KDM3A: variants seen among roughly 807,000 people sequenced by gnomAD.
KDM3A encodes lysine-specific demethylase 3A.
In KDM3A, 60 loss-of-function variants were observed where a neutral mutation model predicts 158.0. The observed-to-expected ratio is 0.38, with a 90% CI of 0.31 to 0.47. The LOEUF is 0.47. Ranked by LOEUF, KDM3A falls within the 20% of genes least tolerant of loss-of-function variation. The probability of loss-of-function intolerance (pLI) is 0.99; values close to 1 mark genes in which losing one functional copy is unlikely to be tolerated. For missense variants in KDM3A, 1,319 were observed against 1,574.3 expected (o/e 0.84, Z 2.74); for synonymous variants, 608 against 549.3 (o/e 1.11, Z -1.49).
Position 86,480,430 on chromosome 2 carries a change from A to G in KDM3A, c.2512+68A>G, listed in dbSNP as rs1673866435. The G allele has an allele frequency of 3.7e-6, 5 of 1,367,306 alleles. No homozygotes were observed. The East Asian group carries it at 9.7e-5, about 26-fold the overall frequency. 84.7% of individuals were successfully genotyped at this position (1,367,306 alleles called of 1,614,324 possible). On this transcript the variant is annotated intron_variant, in intron 16 of 25. Transcript: ENST00000312912. ...TCCATTCGTGGAAGGACTTGAGAGA[A>G]CAGTGGTTAGAAGTCGTGTGGAATG...
chr2:86,444,558 C>T (rs1026332978), intron 2 of KDM3A, among the ~76,000 whole-genome samples: 1 of 148,534 alleles, frequency 6.7e-6, no homozygotes, highest in Admixed American at 6.9e-5. Context: ...GGGCTCAAAA[C>T]ACCAAAACCA....
At chr2:86,450,221 T>A (rs569701081) in intron 3 of KDM3A, among the ~76,000 whole-genome samples, 2 of 152,216 alleles carry the variant, frequency 1.3e-5, no homozygotes, top group African/African-American at 2.4e-5. Context: ...TGCAAACATA[T>A]AGATCTGTTT....
chr2:86,454,072 G>A (rs550150390), intron 4 of KDM3A, among the ~76,000 whole-genome samples: 2 of 152,314 alleles, frequency 1.3e-5, no homozygotes, highest in South Asian at 4.1e-4. Context: ...GAATGTTTCA[G>A]AACTGGCTTA....
chr2:86,478,613 T>G lies in KDM3A; in HGVS notation c.2194T>G (p.Tyr732Asp). 1 of 1,614,084 alleles carries G rather than the reference T, an allele frequency of 6.2e-7. No homozygotes were observed. Among genetic ancestry groups the G allele is most frequent in the Non-Finnish European group, 8.5e-7 (1 of 1,179,960 alleles). The change falls in exon 15 of 26, where the codon TAT (tyrosine) becomes GAT (aspartate). Residue 732 changes from tyrosine to aspartate, a missense_variant. By Grantham distance (160) the Tyr-to-Asp change is radical (BLOSUM62 -3). Around this residue, in one of 4 missense-constraint regions of KDM3A, gnomAD observed 368 missense variants for 415.8 expected, o/e 0.89. Coordinates refer to ENST00000312912, the MANE Select transcript of KDM3A (RefSeq NM_018433.6). Reference sequence around the variant, plus strand: ...TGCCTCTGCCCTTTCTTTAGCACTCTATGATGTTGGAGACATTGTTCATTC... The same window carrying G: ...TGCCTCTGCCCTTTCTTTAGCACTCGATGATGTTGGAGACATTGTTCATTC... ...PTQIIPGKAL[Y>D]DVGDIVHSVR...
At chr2:86,445,951 C>G (rs925391815) in intron 2 of KDM3A, among the ~76,000 whole-genome samples, 5 of 152,160 alleles carry the variant, frequency 3.3e-5, no homozygotes, top group Non-Finnish European at 7.4e-5. Context: ...TGTCTAAAAA[C>G]CATATCATTC....
chr2:86,459,364 G>A (rs1488657803), intron 8 of KDM3A, among the ~76,000 whole-genome samples: 1 of 152,122 alleles, frequency 6.6e-6, no homozygotes, highest in Non-Finnish European at 1.5e-5. Context: ...AGGTTTTAAC[G>A]TTAGAGAAAT....
chr2:86,439,537 A>T (rs1488197974), upstream of KDM3A, among the ~76,000 whole-genome samples: 1 of 152,098 alleles, frequency 6.6e-6, no homozygotes, highest in Non-Finnish European at 1.5e-5. Flanking sequence ...CATAGAAAGT[A>T]TATGTTCCTT....
chr2:86,443,758 A>G (rs1351259487), intron 2 of KDM3A, among the ~76,000 whole-genome samples: 1 of 152,162 alleles, frequency 6.6e-6, no homozygotes, highest in Non-Finnish European at 1.5e-5. Context: ...TTTTTCCTGC[A>G]TTCGGCTCAT....
At chr2:86,460,463 A>C (rs535972906) in intron 8 of KDM3A, among the ~76,000 whole-genome samples, 1 of 152,212 alleles carries the variant, frequency 6.6e-6, no homozygotes, top group East Asian at 1.9e-4. Flanking sequence ...ACAGTAATGC[A>C]CTCAGCACGA....
intron 11 of KDM3A, among the ~76,000 whole-genome samples, chr2:86,473,707 C>G (rs1340776183): frequency 1.3e-5 from 2 of 152,104 alleles, no homozygotes; most frequent in Non-Finnish European, 2.9e-5. Flanking sequence ...CGTAATCATA[C>G]CACTGTACTC....
intron 16 of KDM3A, among the ~76,000 whole-genome samples, chr2:86,481,335 C>T (rs937266520): frequency 1.3e-5 from 2 of 152,102 alleles, no homozygotes; most frequent in Non-Finnish European, 2.9e-5. Flanking sequence ...CAACACTGCA[C>T]TCTGCCTCCC....
chr2:86,480,580 C>A (rs1175209367), intron 16 of KDM3A, among the ~76,000 whole-genome samples: 1 of 152,156 alleles, frequency 6.6e-6, no homozygotes, highest in African/African-American at 2.4e-5. Context: ...GGCTGTGTTA[C>A]AGAAGAGAAG....
intron 15 of KDM3A, chr2:86,479,041 A>T (rs1673801308): frequency 5.3e-6 from 1 of 190,268 alleles, no homozygotes; most frequent in Non-Finnish European, 1.1e-5. Context: ...TAAAGGGTTT[A>T]AAAAAATTTT....
chr2:86,489,944 A>C, intron 23 of KDM3A: 1 of 290,938 alleles, frequency 3.4e-6, no homozygotes, highest in Non-Finnish European at 6.4e-6. Flanking sequence ...AAGTTAGTTC[A>C]TCTGATCATC....
At chr2:86,441,963 C>T in intron 1 of KDM3A, 55 bp from the exon 2 acceptor site, 3 of 1,471,024 alleles carry the variant, frequency 2.0e-6, no homozygotes, top group Admixed American at 1.7e-5. Flanking sequence ...GCTGTCTCCG[C>T]CCGGCCCCCT....
rs534026166 is a variant in KDM3A at position 86,489,442 on chromosome 2, G to C, written c.3433+5G>C. 6.2e-7 allele frequency: 1 copy of C among 1,613,532 alleles called. No individual in the cohort carries two copies. The highest frequency in any genetic ancestry group is 8.5e-7 in the Non-Finnish European group (1 of 1,179,798). On this transcript the variant is annotated splice_donor_5th_base_variant and intron_variant, in intron 22 of 25. Transcript: ENST00000312912. Reference sequence around the variant, plus strand: ...GACAGTGTGAGCAAGAAGAAGGTAGGGTGCTGAGCATAAAAGGAGGGCTTA... The same window carrying C: ...GACAGTGTGAGCAAGAAGAAGGTAGCGTGCTGAGCATAAAAGGAGGGCTTA...
intron 16 of KDM3A, 86 bp from the exon 17 acceptor site, chr2:86,481,844 T>A (rs890748701): frequency 1.9e-6 from 2 of 1,027,350 alleles, no homozygotes; most frequent in East Asian, 2.4e-5. Flanking sequence ...GAAAGCAAGT[T>A]CTAAAGTAAT....
chr2:86,464,211 T>G lies in KDM3A; in HGVS notation c.1002T>G (p.Pro334=). 2 of 1,598,972 alleles carry G rather than the reference T, an allele frequency of 1.3e-6. No homozygotes were observed. Among genetic ancestry groups the G allele is most frequent in the Non-Finnish European group, 1.7e-6 (2 of 1,171,528 alleles). Residue 334 remains proline (P), a synonymous_variant, in exon 9 of 26, where the codon CCT becomes CCG. Transcript: ENST00000312912. ...NSPPNLGAKI[P]QGCHKQSLPE... ...CACCTAACCTTGGAGCAAAAATTCCTCAAGGGTGAGTAGTGATTTGTTAAA... is the reference window on the plus strand; with the variant it reads ...CACCTAACCTTGGAGCAAAAATTCCGCAAGGGTGAGTAGTGATTTGTTAAA...
At position 86,442,013 on chromosome 2, in the gene KDM3A, T is replaced by A; in HGVS notation, c.-30-5T>A. On this transcript the variant is annotated splice_polypyrimidine_tract_variant and splice_region_variant and intron_variant, in intron 1 of 25. Coordinates refer to ENST00000312912, the MANE Select transcript of KDM3A (RefSeq NM_018433.6). Reference sequence around the variant, plus strand: ...CCGTCGCATTTTGTTTTTGTGTTTTTGCAGGGAGGAGCTCTTCCTGCAGGC... The same window carrying A: ...CCGTCGCATTTTGTTTTTGTGTTTTAGCAGGGAGGAGCTCTTCCTGCAGGC... The A allele has an allele frequency of 6.2e-7, 1 of 1,612,286 alleles. No homozygotes were observed. Among genetic ancestry groups the A allele is most frequent in the Non-Finnish European group, 8.5e-7 (1 of 1,179,178 alleles).
Sources: allele counts gnomAD v4.1 joint callset (sites outside exome capture counted in the v4.1 genomes callset), GRCh38; gene constraint gnomAD v4.1.1; regional missense constraint gnomAD v4.1.1; transcripts MANE v1.5; gene names NCBI Gene and HGNC (gene_info 2026-07-23, HGNC 2026-07-21).